Variants in NEBL observed in about 807,000 individuals in gnomAD.
The protein encoded by NEBL is nebulette, also known as LIM and SH3 protein 2.
In NEBL, 122 loss-of-function variants were observed where a neutral mutation model predicts 140.2. The ratio of observed to expected loss-of-function variants is 0.87; its 90% CI spans 0.75 to 1.01. The LOEUF (loss-of-function observed/expected upper bound fraction) is 1.01, where lower values mean the gene tolerates loss of function less well. NEBL is among the 50% of genes least tolerant of loss of function. The pLI, the probability that NEBL is intolerant of heterozygous loss-of-function variation, is 0.00. For synonymous variants in NEBL, 436 were observed against 398.9 expected (o/e 1.09, Z -1.11); for missense variants, 1,365 against 1,231.3 (o/e 1.11, Z -1.62).
At chr10:20,918,151 G>T (rs773145005) in intron 4 of NEBL, among the ~76,000 whole-genome samples, 5 of 151,740 alleles carry the variant, frequency 3.3e-5, no homozygotes, top group Non-Finnish European at 5.9e-5. Flanking sequence ...TTGAGGTCAG[G>T]AGTTAAAGAC....
chr10:20,874,849 C>A (rs1845330227), intron 5 of NEBL, among the ~76,000 whole-genome samples: 1 of 152,110 alleles, frequency 6.6e-6, no homozygotes, highest in Non-Finnish European at 1.5e-5. Context: ...AAGTAATACT[C>A]CTGTCTTAGC....
At chr10:21,268,898 T>A (rs942524488) in intron 1 of NEBL, among the ~76,000 whole-genome samples, 1 of 152,164 alleles carries the variant, frequency 6.6e-6, no homozygotes, top group African/African-American at 2.4e-5. Context: ...ATACAACTCA[T>A]AAGGTGATCG....
At chr10:21,238,898 A>G (rs1001564113) in intron 3 of NEBL, among the ~76,000 whole-genome samples, 3 of 152,074 alleles carry the variant, frequency 2.0e-5, no homozygotes, top group Admixed American at 6.6e-5. Flanking sequence ...AGTTACCAAG[A>G]AAACAGACGC....
intron 21 of NEBL, among the ~76,000 whole-genome samples, chr10:20,816,496 G>C (rs1838733075): frequency 6.6e-6 from 1 of 152,152 alleles, no homozygotes; most frequent in Non-Finnish European, 1.5e-5. Context: ...GAATAATGGA[G>C]TCACATCAAG....
intron 3 of NEBL, among the ~76,000 whole-genome samples, chr10:21,016,566 G>A (rs2131756653): frequency 6.6e-6 from 1 of 152,240 alleles, no homozygotes; most frequent in Middle Eastern, 3.4e-3. Flanking sequence ...GGCTCACTTG[G>A]TAAGCTAATG....
intron 2 of NEBL, among the ~76,000 whole-genome samples, chr10:21,030,963 T>G (rs1833754123): frequency 6.6e-6 from 1 of 152,202 alleles, no homozygotes; most frequent in African/African-American, 2.4e-5. Context: ...CGGTGTGCAC[T>G]GATGACCATC....
At chr10:21,291,432 G>T (rs1246815305) in intron 1 of NEBL, among the ~76,000 whole-genome samples, 1 of 151,608 alleles carries the variant, frequency 6.6e-6, no homozygotes, top group African/African-American at 2.4e-5. Context: ...CTTGAACCCA[G>T]GAGGCAGGAG....
At chr10:21,150,815 GT>G (rs1469560437) in intron 2 of NEBL, among the ~76,000 whole-genome samples, 1 of 152,094 alleles carries the variant, frequency 6.6e-6, no homozygotes, top group East Asian at 1.9e-4. Context: ...GTTTTCCTAG[GT>G]GTCCAAATTG....
intron 2 of NEBL, among the ~76,000 whole-genome samples, chr10:21,140,841 T>C (rs541630864): frequency 1.3e-5 from 2 of 152,016 alleles, no homozygotes; most frequent in Non-Finnish European, 2.9e-5. Flanking sequence ...ATCTAACGCA[T>C]GCATGGCTTA....
At chr10:20,942,820 C>A (rs1271181890) in intron 4 of NEBL, among the ~76,000 whole-genome samples, 3 of 152,222 alleles carry the variant, frequency 2.0e-5, no homozygotes, top group African/African-American at 7.2e-5. Context: ...TTTATGCAGC[C>A]AAAAGACACA....
chr10:20,887,675 C>T (rs373665749), intron 4 of NEBL, among the ~76,000 whole-genome samples: 30 of 152,304 alleles, frequency 2.0e-4, no homozygotes, highest in African/African-American at 6.5e-4. Flanking sequence ...CCTTGGCCTC[C>T]TGAAGTACTG....
intron 4 of NEBL, among the ~76,000 whole-genome samples, chr10:20,916,885 GA>G (rs1833315139): frequency 6.6e-6 from 1 of 152,060 alleles, no homozygotes; most frequent in Non-Finnish European, 1.5e-5. Context: ...TTGACATGGG[GA>G]AAAAAGTTAG....
intron 20 of NEBL, among the ~76,000 whole-genome samples, chr10:20,818,159 C>G (rs1345247116): frequency 1.3e-5 from 2 of 152,150 alleles, no homozygotes; most frequent in Non-Finnish European, 2.9e-5. Flanking sequence ...CAGTGTTGAG[C>G]CTCATTATCT....
chr10:20,980,121 T>C (rs1333032429), intron 3 of NEBL, among the ~76,000 whole-genome samples: 1 of 151,970 alleles, frequency 6.6e-6, no homozygotes, highest in Admixed American at 6.5e-5. Context: ...AGGGCTTGTA[T>C]TCAAAGAACT....
At chr10:20,931,576 A>T (rs1834186430) in intron 4 of NEBL, among the ~76,000 whole-genome samples, 1 of 152,176 alleles carries the variant, frequency 6.6e-6, no homozygotes, top group Admixed American at 6.5e-5. Flanking sequence ...GCCTGGAAAA[A>T]GTCCAGGCCT....
intron 2 of NEBL, among the ~76,000 whole-genome samples, chr10:21,105,453 T>G (rs1837669708): frequency 6.6e-6 from 1 of 152,150 alleles, no homozygotes; most frequent in African/African-American, 2.4e-5. Context: ...TTTCTGTCCT[T>G]GTGATAGTTT....
At chr10:21,064,961 G>C (rs1218473178) in intron 2 of NEBL, among the ~76,000 whole-genome samples, 2 of 152,066 alleles carry the variant, frequency 1.3e-5, no homozygotes, top group Non-Finnish European at 2.9e-5. Flanking sequence ...GAAATAAGAA[G>C]AGTGAAGGGT....
At chr10:20,999,148 G>C (rs377554473) in intron 3 of NEBL, among the ~76,000 whole-genome samples, 53 of 148,636 alleles carry the variant, frequency 3.6e-4, no homozygotes, top group African/African-American at 1.3e-3. Context: ...CAGAAACCCA[G>C]AGGTGTGTGG....
intron 18 of NEBL, among the ~76,000 whole-genome samples, chr10:20,825,684 A>G (rs1462551893): frequency 6.6e-6 from 1 of 152,038 alleles, no homozygotes; most frequent in Non-Finnish European, 1.5e-5. Flanking sequence ...AAGAAACTCA[A>G]TGTACTAAAT....
Sources: allele counts gnomAD v4.1 joint callset (sites outside exome capture counted in the v4.1 genomes callset), GRCh38; gene constraint gnomAD v4.1.1; transcripts MANE v1.5; gene names NCBI Gene and HGNC (gene_info 2026-07-23, HGNC 2026-07-21).